MCPH1: variants seen among roughly 807,000 people sequenced by gnomAD.
MCPH1 encodes microcephalin.
MCPH1 carries 104 observed loss-of-function variants against 84.5 expected under a neutral mutation model. The ratio of observed to expected loss-of-function variants is 1.23; its 90% CI spans 1.05 to 1.45. The LOEUF (loss-of-function observed/expected upper bound fraction) is 1.45, where lower values mean the gene tolerates loss of function less well. Among genes scored for constraint, MCPH1 ranks in the 40% most tolerant of loss-of-function variants. MCPH1 has a pLI of 0.00. For synonymous variants in MCPH1, 514 were observed against 366.8 expected, an observed-to-expected ratio of 1.40 and a Z score of -4.58; for missense variants, 1,498 against 1,005.7, an observed-to-expected ratio of 1.49 and a Z score of -6.62.
intron 12 of MCPH1, among the ~76,000 whole-genome samples, chr8:6,526,257 T>TAAAAAAAA (rs35519559): frequency 2.6e-4 from 20 of 77,490 alleles, no homozygotes; most frequent in African/African-American, 8.5e-4. Context: ...TTGCCTCTAC[T>TAAAAAAAA]AAAAAAAAAA....
intron 12 of MCPH1, among the ~76,000 whole-genome samples, chr8:6,506,578 C>G (rs1813775248): frequency 6.6e-6 from 1 of 152,226 alleles, no homozygotes; most frequent in Non-Finnish European, 1.5e-5. Context: ...GAAACAAAGT[C>G]CTAGGTGTCT....
intron 12 of MCPH1, among the ~76,000 whole-genome samples, chr8:6,531,151 A>T (rs888571170): frequency 1.3e-5 from 2 of 151,700 alleles, no homozygotes; most frequent in Non-Finnish European, 2.9e-5. Flanking sequence ...TTGTACTGCT[A>T]ATAGCAGCTT....
intron 2 of MCPH1, among the ~76,000 whole-genome samples, chr8:6,410,096 A>G (rs1481125329): frequency 2.0e-5 from 3 of 152,064 alleles, no homozygotes; most frequent in African/African-American, 7.2e-5. Context: ...CAGCCTTCCA[A>G]GTATCTGGGA....
chr8:6,411,365 T>A (rs1332762642), intron 2 of MCPH1, among the ~76,000 whole-genome samples: 1 of 152,048 alleles, frequency 6.6e-6, no homozygotes, highest in Non-Finnish European at 1.5e-5. Flanking sequence ...AATAAATAAA[T>A]AAATAACAAA....
At chr8:6,586,551 A>T (rs756971584) in intron 12 of MCPH1, among the ~76,000 whole-genome samples, 2 of 152,046 alleles carry the variant, frequency 1.3e-5, no homozygotes, top group African/African-American at 4.8e-5. Context: ...TTGAGCATCT[A>T]CCCACTCTGT....
intron 12 of MCPH1, among the ~76,000 whole-genome samples, chr8:6,518,091 G>T (rs1035173423): frequency 2.0e-5 from 3 of 152,076 alleles, no homozygotes; most frequent in African/African-American, 7.2e-5. Context: ...GGGCCATGGG[G>T]TGGGACAGTG....
At chr8:6,427,041 C>T (rs1585686032) in intron 3 of MCPH1, among the ~76,000 whole-genome samples, 1 of 152,208 alleles carries the variant, frequency 6.6e-6, no homozygotes, top group South Asian at 2.1e-4. Context: ...CACCTAGGCT[C>T]TGTGGCACAA....
In MCPH1 at chr8:6,419,538, G is replaced by A. The variant is rs187700220; in HGVS notation, c.233+4655G>A. Among the ~76,000 whole-genome samples the A allele has an allele frequency of 3.2e-3, 482 of 149,140 alleles. 4 individuals are homozygous for A. Among genetic ancestry groups the A allele is most frequent in the African/African-American group, 0.011 (454 of 40,580 alleles). The stretch of plus-strand genomic sequence containing the variant: ...CTCCCGAGTAGCTGGGACTACAGGC[G>A]CCCACCACCACACCTGGCTAATTTT... On this transcript the variant is annotated intron_variant, in intron 3 of 13. Transcript: ENST00000344683.
intron 12 of MCPH1, among the ~76,000 whole-genome samples, chr8:6,589,352 A>G (rs1261710842): frequency 6.6e-6 from 1 of 152,224 alleles, no homozygotes; most frequent in African/African-American, 2.4e-5. Context: ...TTTATATGCT[A>G]TACTTCCTGT....
At chr8:6,582,322 A>C (rs1417496108) in intron 12 of MCPH1, among the ~76,000 whole-genome samples, 1 of 152,198 alleles carries the variant, frequency 6.6e-6, no homozygotes, top group African/African-American at 2.4e-5. Flanking sequence ...TTCAATCCTC[A>C]TAGTAACTCT....
intron 13 of MCPH1, among the ~76,000 whole-genome samples, chr8:6,636,498 G>C (rs1461232825): frequency 1.3e-5 from 2 of 151,992 alleles, no homozygotes; most frequent in Non-Finnish European, 2.9e-5. Context: ...TTTATTTTTT[G>C]AAACAGAGTT....
At chr8:6,426,263 T>C (rs1330578707) in intron 3 of MCPH1, among the ~76,000 whole-genome samples, 1 of 152,228 alleles carries the variant, frequency 6.6e-6, no homozygotes, top group Non-Finnish European at 1.5e-5. Flanking sequence ...TTTTTGTGTA[T>C]ACCTGTGTCA....
intron 12 of MCPH1, among the ~76,000 whole-genome samples, chr8:6,515,143 C>T (rs1229892022): frequency 6.6e-6 from 1 of 152,068 alleles, no homozygotes; most frequent in African/African-American, 2.4e-5. Context: ...CCCCGAACCC[C>T]ACATCTCCAT....
rs78903142 is a variant in MCPH1, at chr8:6,451,443, A to G, written c.1826-3700A>G. Among the ~76,000 whole-genome samples the G allele has an allele frequency of 8.1e-3, 1,237 of 152,376 alleles. 21 individuals are homozygous for G. The highest frequency in any genetic ancestry group is 0.028 in the African/African-American group (1,156 of 41,580). On this transcript the variant is annotated intron_variant, in intron 8 of 13. Transcript: ENST00000344683. The stretch of plus-strand genomic sequence containing the variant: ...AAGGTACAGTCAAGATACTTTACAC[A>G]CAAGTATCAGGAAATTCAAAAGTCA...
chr8:6,549,876 TA>T (rs956841308), intron 12 of MCPH1, among the ~76,000 whole-genome samples: 3 of 151,844 alleles, frequency 2.0e-5, no homozygotes, highest in African/African-American at 7.3e-5. Context: ...AAGTTATATC[TA>T]AAAAAAGAAA....
intron 8 of MCPH1, among the ~76,000 whole-genome samples, chr8:6,452,773 C>G (rs959365950): frequency 6.6e-6 from 1 of 152,214 alleles, no homozygotes; most frequent in African/African-American, 2.4e-5. Flanking sequence ...CGGAACCCGA[C>G]CATGGGGGCA....
Position 6,464,662 on chromosome 8 carries a change from A to G in MCPH1, c.1935+9410A>G, listed in dbSNP as rs1042481407. 3.9e-5 allele frequency among the ~76,000 whole-genome samples: 6 copies of G among 152,222 alleles called. No individual in the cohort carries two copies. In the East Asian group the frequency reaches 1.2e-3, roughly 29 times the overall value. Reference sequence around the variant, plus strand: ...GAGGACATTTCCCACTGGGAGACCCACAGGCGCTAAGAGAGGAGCTAGCCG... The same window carrying G: ...GAGGACATTTCCCACTGGGAGACCCGCAGGCGCTAAGAGAGGAGCTAGCCG... On this transcript the variant is annotated intron_variant, in intron 9 of 13. Coordinates refer to ENST00000344683, the MANE Select transcript of MCPH1 (RefSeq NM_024596.5).
intron 8 of MCPH1, 173 bp downstream of exon 8, chr8:6,445,720 T>C: frequency 1.4e-6 from 2 of 1,407,980 alleles, no homozygotes; most frequent in Non-Finnish European, 1.8e-6. Context: ...AATAGATGAC[T>C]TGCTGTCTTG....
Position 6,626,183 on chromosome 8 carries a change from G to A in MCPH1, c.2452+4492G>A, listed in dbSNP as rs1288502114. On this transcript the variant is annotated intron_variant, in intron 13 of 13. Transcript: ENST00000344683. ...CTCTGAGGTGACCCTCAGCTCGCCC[G>A]CCACCCCAGCTGCCCCACCTTGCTG... is the stretch of plus-strand genomic sequence containing the variant. 8.1e-6 allele frequency: 8 copies of A among 985,186 alleles called. No individual in the cohort carries two copies. The South Asian group carries it at 1.9e-4, about 23-fold the overall frequency. The allele number at this position is 985,186 out of a possible 1,614,324, so 61.0% of individuals were successfully genotyped here.
Sources: allele counts gnomAD v4.1 joint callset (sites outside exome capture counted in the v4.1 genomes callset), GRCh38; gene constraint gnomAD v4.1.1; transcripts MANE v1.5; gene names NCBI Gene and HGNC (gene_info 2026-07-23, HGNC 2026-07-21).